The following ACOT1 variants were observed in gnomAD, a reference collection of about 807,000 sequenced individuals.
ACOT1 encodes the protein acyl-CoA thioesterase 1, also known as acyl-coenzyme A thioesterase 1.
ACOT1 carries 8 observed loss-of-function variants against 15.7 expected under a neutral mutation model. The observed-to-expected ratio is 0.51, with a 90% CI of 0.30 to 0.92. The LOEUF (loss-of-function observed/expected upper bound fraction) is 0.92. Among genes scored for constraint, ACOT1 ranks in the 40% least tolerant of loss-of-function variants. ACOT1 has a pLI of 0.06. For synonymous variants in ACOT1, 67 were observed against 241.2 expected, an observed-to-expected ratio of 0.28 and a Z score of 6.69; for missense variants, 151 against 539.4, an observed-to-expected ratio of 0.28 and a Z score of 7.13.
chr14:73,507,261 C>G, the ACOT1 span, among the ~76,000 whole-genome samples: 4 of 152,150 alleles, frequency 2.6e-5, no homozygotes, highest in Admixed American at 2.6e-4. Flanking sequence ...CAGAACTCTT[C>G]TTGCATATGC....
At chr14:73,498,073 AAGGC>A in the ACOT1 span, 1 of 1,325,096 alleles carries the variant, frequency 7.5e-7, no homozygotes. Context: ...GTAGCCTGGA[AAGGC>A]AGGGACATAT....
At chr14:73,524,310 A>AAAAAAAAAAAAAAATAT in the ACOT1 span, among the ~76,000 whole-genome samples, 1 of 54,780 alleles carries the variant, frequency 1.8e-5, no homozygotes, top group African/African-American at 8.8e-5. Flanking sequence ...AAAAAAAAAA[A>AAAAAAAAAAAAAAATAT]ATATATATAT....
At chr14:73,500,812 A>G in the ACOT1 span, 1 of 1,346,504 alleles carries the variant, frequency 7.4e-7, no homozygotes, top group Non-Finnish European at 1.0e-6. Flanking sequence ...CCCTCATGAT[A>G]AAATCCGGGT....
the ACOT1 span, among the ~76,000 whole-genome samples, chr14:73,511,574 T>TAAAAA: frequency 6.8e-6 from 1 of 146,272 alleles, no homozygotes; most frequent in Non-Finnish European, 1.5e-5. Flanking sequence ...TAAAATAAAA[T>TAAAAA]AAAAAAGAAT....
At chr14:73,508,123 T>C in the ACOT1 span, 2 of 1,613,012 alleles carry the variant, frequency 1.2e-6, no homozygotes, top group African/African-American at 2.7e-5. Context: ...GACCCGGTAA[T>C]GGACACATAC....
At chr14:73,529,548 G>A in the ACOT1 span, among the ~76,000 whole-genome samples, 2 of 151,952 alleles carry the variant, frequency 1.3e-5, no homozygotes, top group Non-Finnish European at 2.9e-5. Flanking sequence ...ACTAGAAAAT[G>A]TAGGAGTTGG....
the ACOT1 span, among the ~76,000 whole-genome samples, chr14:73,493,989 T>C: frequency 9.2e-5 from 14 of 152,226 alleles, no homozygotes; most frequent in African/African-American, 3.1e-4. Context: ...ATGGTATGTT[T>C]TTGCTCACTG....
At chr14:73,535,470 T>TC (rs1491520683), upstream of ACOT1, among the ~76,000 whole-genome samples, 2 of 4,776 alleles carry the variant, frequency 4.2e-4, 1 homozygote, top group Admixed American at 6.5e-3. Flanking sequence ...TTCTTCTTTC[T>TC]TTTTTTTTTT....
the ACOT1 span, chr14:73,503,144 A>G: frequency 2.8e-6 from 2 of 707,824 alleles, no homozygotes; most frequent in East Asian, 2.6e-5. Context: ...GTTTTTTCCC[A>G]TCGCTTACTC....
chr14:73,518,306 A>C, the ACOT1 span, among the ~76,000 whole-genome samples: 132 of 151,328 alleles, frequency 8.7e-4, 1 homozygote, highest in African/African-American at 3.0e-3. Flanking sequence ...CTGGAGGCTG[A>C]GGCAGGGGAA....
chr14:73,537,184 G>C lies in ACOT1; in HGVS notation c.-238G>C, dbSNP rs781613407. On this transcript the variant is annotated 5_prime_UTR_variant, in exon 1 of 3. Transcript: ENST00000311148. ...AGCTTCTGAAAAGCAAACCTAGGAA[G>C]TTGCTTTCCAACATAAAGTGGAGGT... 5.0e-6 allele frequency: 2 copies of C among 400,662 alleles called. No individual in the cohort carries two copies. The highest frequency in any genetic ancestry group is 8.1e-6 in the Non-Finnish European group (2 of 246,320). The allele number at this position is 400,662 out of a possible 1,614,324, so 24.8% of individuals were successfully genotyped here.
the ACOT1 span, among the ~76,000 whole-genome samples, chr14:73,524,239 G>A: frequency 7.2e-6 from 1 of 138,776 alleles, no homozygotes; most frequent in East Asian, 2.1e-4. Context: ...ATTGCAGTGA[G>A]CCAAGATCAT....
the ACOT1 span, chr14:73,492,171 C>T: frequency 6.2e-7 from 1 of 1,613,970 alleles, no homozygotes; most frequent in Non-Finnish European, 8.5e-7. The surrounding 1 kb of genome is among the most constrained non-coding windows in gnomAD (Gnocchi z 4.9). Flanking sequence ...CTCGGTGAGC[C>T]GGTGCTGCAG....
the ACOT1 span, among the ~76,000 whole-genome samples, chr14:73,505,380 GTTTT>G: frequency 1.3e-5 from 2 of 151,672 alleles, no homozygotes; most frequent in Non-Finnish European, 2.9e-5. Context: ...TGGGACAATG[GTTTT>G]TTTGTTTTGT....
chr14:73,506,074 A>C, the ACOT1 span, among the ~76,000 whole-genome samples: 34,741 of 151,460 alleles, frequency 0.23, 4,449 homozygotes, highest in African/African-American at 0.31. Flanking sequence ...TATTTTTAGT[A>C]GAGATGGAGT....
chr14:73,530,099 A>G, the ACOT1 span: 3 of 126,472 alleles, frequency 2.4e-5, no homozygotes, highest in South Asian at 5.4e-4. Flanking sequence ...AGTAGCTGGG[A>G]CCACAGGTGT....
chr14:73,503,813 T>C, the ACOT1 span, among the ~76,000 whole-genome samples: 2 of 152,220 alleles, frequency 1.3e-5, no homozygotes, highest in East Asian at 3.9e-4. Context: ...GTGCGTCGGA[T>C]GTGGTCAGAA....
At chr14:73,491,380 C>G in the ACOT1 span, 1 of 1,356,114 alleles carries the variant, frequency 7.4e-7, no homozygotes, top group Non-Finnish European at 9.4e-7. Context: ...CGTCGGCGCG[C>G]CTGGTGCCCG....
the ACOT1 span, among the ~76,000 whole-genome samples, chr14:73,526,915 C>T: frequency 2.6e-4 from 39 of 152,184 alleles, no homozygotes; most frequent in Non-Finnish European, 5.6e-4. Flanking sequence ...ACCCTTCCCC[C>T]CAACTCCAGA....
Sources: gnomAD v4.1 joint callset for allele counts (sites outside exome capture counted in the v4.1 genomes callset) on GRCh38, gnomAD v4.1.1 for gene constraint, Gnocchi (gnomAD v3.1) non-coding constraint, MANE v1.5 for transcripts, NCBI Gene and HGNC (gene_info 2026-07-23, HGNC 2026-07-21) for gene names.